The following SH3GL3 variants were observed in gnomAD, a reference collection of about 807,000 sequenced individuals.
The protein encoded by SH3GL3 is endophilin-A3.
SH3GL3 carries 33 observed loss-of-function variants against 47.7 expected under a neutral mutation model. That is an observed-to-expected ratio of 0.69 (90% CI 0.52 to 0.92). The LOEUF (loss-of-function observed/expected upper bound fraction) is 0.92, where lower values mean the gene tolerates loss of function less well. SH3GL3 is among the 40% of genes least tolerant of loss of function. The pLI, the probability that SH3GL3 is intolerant of heterozygous loss-of-function variation, is 0.00. For missense variants in SH3GL3, 363 were observed against 417.8 expected (o/e 0.87, Z 1.14); for synonymous variants, 155 against 148.8 (o/e 1.04, Z -0.30).
At chr15:83,498,897 C>A (rs148130182) in intron 1 of SH3GL3, among the ~76,000 whole-genome samples, 291 of 152,308 alleles carry the variant, frequency 1.9e-3, no homozygotes, top group African/African-American at 6.7e-3. Context: ...GAAGTTTGCA[C>A]ACTATGCCCT....
At chr15:83,471,638 G>C (rs2040833204) in intron 1 of SH3GL3, among the ~76,000 whole-genome samples, 1 of 152,202 alleles carries the variant, frequency 6.6e-6, no homozygotes, top group Non-Finnish European at 1.5e-5. Context: ...ACCGGACACA[G>C]GTCTCTGAAC....
chr15:83,560,821 C>T (rs989177315), intron 2 of SH3GL3, among the ~76,000 whole-genome samples: 2 of 151,794 alleles, frequency 1.3e-5, no homozygotes, highest in African/African-American at 2.4e-5. Context: ...TTAATGCTAA[C>T]CATATAAAAA....
chr15:83,505,960 A>T (rs1200403765), intron 1 of SH3GL3, among the ~76,000 whole-genome samples: 3 of 152,314 alleles, frequency 2.0e-5, no homozygotes, highest in African/African-American at 4.8e-5. Flanking sequence ...ATGCTATACA[A>T]ATATCTTCTC....
At chr15:83,516,165 A>T (rs781136340) in intron 1 of SH3GL3, among the ~76,000 whole-genome samples, 1 of 152,190 alleles carries the variant, frequency 6.6e-6, no homozygotes, top group Non-Finnish European at 1.5e-5. Flanking sequence ...CATGATGAGC[A>T]TGCCTTTCTT....
chr15:83,569,866 C>A lies in SH3GL3; in HGVS notation c.331+1194C>A, dbSNP rs113310417. Reference sequence around the variant, plus strand: ...TTGCATCAGGAGGTCCATTTTTTCCCCCCTGTCTCATGAGCTCTTTAAATG... The same window carrying A: ...TTGCATCAGGAGGTCCATTTTTTCCACCCTGTCTCATGAGCTCTTTAAATG... On this transcript the variant is annotated intron_variant, in intron 4 of 8. Transcript: ENST00000427482. 2.4e-3 allele frequency among the ~76,000 whole-genome samples: 360 copies of A among 152,178 alleles called. 3 individuals carry two copies. The highest frequency in any genetic ancestry group is 8.2e-3 in the African/African-American group (340 of 41,500).
chr15:83,592,002 T>C lies in SH3GL3; in HGVS notation c.838+3231T>C, dbSNP rs2060120034. On this transcript the variant is annotated intron_variant, in intron 8 of 8. Coordinates refer to ENST00000427482, the MANE Select transcript of SH3GL3 (RefSeq NM_003027.5). ...GTATACATTTTTAAAAAAAACATGGTGCAAGCTTTTTCGTGAGAAATGGCA... is the reference window on the plus strand; with the variant it reads ...GTATACATTTTTAAAAAAAACATGGCGCAAGCTTTTTCGTGAGAAATGGCA... Among the ~76,000 whole-genome samples the C allele has an allele frequency of 2.0e-5, 3 of 152,222 alleles. No homozygotes were observed. The South Asian group carries it at 6.2e-4, about 31-fold the overall frequency.
chr15:83,602,203 GAC>G (rs2060403268), intron 8 of SH3GL3, among the ~76,000 whole-genome samples: 2 of 152,168 alleles, frequency 1.3e-5, no homozygotes, highest in Admixed American at 6.5e-5. Flanking sequence ...AGGTGGAAAT[GAC>G]ACACACATTC....
At chr15:83,482,524 G>A (rs868860237) in intron 1 of SH3GL3, among the ~76,000 whole-genome samples, 9 of 149,464 alleles carry the variant, frequency 6.0e-5, no homozygotes. Context: ...TCAAAGTGTC[G>A]CTCTTGTTGC....
intron 1 of SH3GL3, among the ~76,000 whole-genome samples, chr15:83,556,381 A>G (rs761887524): frequency 1.3e-5 from 2 of 152,268 alleles, no homozygotes; most frequent in Non-Finnish European, 2.9e-5. Flanking sequence ...ACGAATGATC[A>G]TGACTCTTAA....
intron 1 of SH3GL3, among the ~76,000 whole-genome samples, chr15:83,528,771 C>T (rs547918284): frequency 6.6e-6 from 1 of 152,094 alleles, no homozygotes; most frequent in African/African-American, 2.4e-5. Context: ...TCCTTAATAA[C>T]ATTATTTTGA....
At chr15:83,450,804 A>AATTTTTT (rs59484427) in intron 1 of SH3GL3, among the ~76,000 whole-genome samples, 1 of 58,790 alleles carries the variant, frequency 1.7e-5, no homozygotes, top group Non-Finnish European at 2.9e-5. Context: ...TTTTTTTTTA[A>AATTTTTT]TTTTTTTTTT....
intron 1 of SH3GL3, among the ~76,000 whole-genome samples, chr15:83,462,604 A>G (rs988986431): frequency 6.6e-6 from 1 of 152,240 alleles, no homozygotes; most frequent in African/African-American, 2.4e-5. Context: ...GCTTGGCAGA[A>G]CTATTGCATA....
chr15:83,530,657 T>G (rs2043629444), intron 1 of SH3GL3, among the ~76,000 whole-genome samples: 1 of 152,076 alleles, frequency 6.6e-6, no homozygotes. Flanking sequence ...CTTAATTTTC[T>G]GGGATTATGT....
chr15:83,561,084 TAATC>T (rs1161537862), intron 2 of SH3GL3, among the ~76,000 whole-genome samples: 1 of 152,094 alleles, frequency 6.6e-6, no homozygotes, highest in African/African-American at 2.4e-5. Flanking sequence ...AAACTGACAA[TAATC>T]AATAGGCTCA....
intron 1 of SH3GL3, among the ~76,000 whole-genome samples, chr15:83,470,942 A>C (rs946329672): frequency 2.0e-5 from 3 of 152,134 alleles, no homozygotes; most frequent in Non-Finnish European, 4.4e-5. Flanking sequence ...CCCTATTTAT[A>C]ATATAATTTC....
intron 1 of SH3GL3, among the ~76,000 whole-genome samples, chr15:83,497,234 C>T (rs2042115870): frequency 6.6e-6 from 1 of 152,156 alleles, no homozygotes; most frequent in Non-Finnish European, 1.5e-5. Context: ...AGCCCCAAGA[C>T]CCCGTGGTAG....
In SH3GL3 at chr15:83,468,907, A is replaced by G. The variant is rs374523594; in HGVS notation, c.45+21329A>G. Among the ~76,000 whole-genome samples, 55 of 150,692 alleles carry G rather than the reference A, an allele frequency of 3.6e-4. 1 individual carries two copies. Among genetic ancestry groups the G allele is most frequent in the African/African-American group, 1.3e-3 (52 of 41,058 alleles). On this transcript the variant is annotated intron_variant, in intron 1 of 8. Transcript: ENST00000427482. The stretch of plus-strand genomic sequence containing the variant: ...CTGAAGGAGATTGTGTAGAATTGGT[A>G]TTAATTCTTTAGACAATTCAGAGAA...
chr15:83,464,787 C>T (rs1414922628), intron 1 of SH3GL3, among the ~76,000 whole-genome samples: 1 of 152,080 alleles, frequency 6.6e-6, no homozygotes, highest in Non-Finnish European at 1.5e-5. Context: ...TTCTTGCCCC[C>T]ATGATTGTAG....
intron 8 of SH3GL3, among the ~76,000 whole-genome samples, chr15:83,592,351 C>T (rs1248223792): frequency 1.3e-5 from 2 of 152,164 alleles, no homozygotes; most frequent in Non-Finnish European, 2.9e-5. Context: ...GCACTCCTCC[C>T]CTTTTTTCCC....
Sources: gnomAD v4.1 joint callset for allele counts (sites outside exome capture counted in the v4.1 genomes callset) on GRCh38, gnomAD v4.1.1 for gene constraint, MANE v1.5 for transcripts, NCBI Gene and HGNC (gene_info 2026-07-23, HGNC 2026-07-21) for gene names.